EP400: variants seen among roughly 807,000 people sequenced by gnomAD.
EP400 encodes E1A-binding protein p400.
EP400 carries 105 observed loss-of-function variants against 354.1 expected under a neutral mutation model. The observed-to-expected ratio is 0.30, with a 90% CI of 0.25 to 0.35. The LOEUF is 0.35. EP400 is among the 10% of genes least tolerant of loss of function. The probability of loss-of-function intolerance (pLI) is 1.00; values close to 1 mark genes in which losing one functional copy is unlikely to be tolerated. For synonymous variants in EP400, 1,646 were observed against 1,716.9 expected (o/e 0.96, Z 1.02); for missense variants, 3,280 against 4,121.0 (o/e 0.80, Z 5.59).
chr12:131,999,439 G>T (rs1394365581), intron 12 of EP400, among the ~76,000 whole-genome samples: 1 of 152,044 alleles, frequency 6.6e-6, no homozygotes, highest in Non-Finnish European at 1.5e-5. Flanking sequence ...GGTGGGTATT[G>T]CATGCTTTGT....
rs1251436577 is a variant in EP400 at position 132,075,447 on chromosome 12, C to CT, written c.9022-1066dup. On this transcript the variant is annotated intron_variant, in intron 51 of 52. Transcript: ENST00000389561. This position sits in a 1 kb window ranked among gnomAD's most constrained non-coding sequence, Gnocchi z 4.5. The stretch of plus-strand genomic sequence containing the variant: ...GTACATTTAAGATTTCTTGCTAGTG[C>CT]TTTATTTAAGACGTCTCAGGATTTT... Among the ~76,000 whole-genome samples, 9 of 152,140 alleles carry CT rather than the reference C, an allele frequency of 5.9e-5. No homozygotes were observed. The highest frequency in any genetic ancestry group is 1.3e-4 in the Non-Finnish European group (9 of 68,034).
chr12:132,071,641 C>T (rs1896070766), intron 51 of EP400, among the ~76,000 whole-genome samples: 1 of 152,098 alleles, frequency 6.6e-6, no homozygotes. Flanking sequence ...TTTTGCCATC[C>T]GTCCCCCAGG....
At chr12:132,056,423 ACG>A (rs972553079) in intron 45 of EP400, among the ~76,000 whole-genome samples, 1 of 146,204 alleles carries the variant, frequency 6.8e-6, no homozygotes, top group African/African-American at 2.7e-5. Flanking sequence ...AACACAACAC[ACG>A]CACACACACA....
chr12:131,995,591 C>G (rs113251787), intron 12 of EP400, among the ~76,000 whole-genome samples: 1 of 138,050 alleles, frequency 7.2e-6, no homozygotes, highest in African/African-American at 2.8e-5. Flanking sequence ...ACCGTTCATC[C>G]TGAGTGTGTG....
At chr12:131,982,626 G>C in intron 5 of EP400, 148 bp downstream of exon 5, 3 of 997,936 alleles carry the variant, frequency 3.0e-6, no homozygotes, top group Non-Finnish European at 4.3e-6. Flanking sequence ...ACTCAATTCA[G>C]TACTTGCAAT....
rs768203005 is a variant in EP400, at chr12:132,064,902, T to C, written c.8553+16T>C. 1.1e-4 allele frequency: 181 copies of C among 1,588,150 alleles called. No individual in the cohort carries two copies. The highest frequency in any genetic ancestry group is 2.0e-4 in the Middle Eastern group (1 of 5,006). On this transcript the variant is annotated intron_variant, in intron 48 of 52. Transcript: ENST00000389561. ...GGCCCGGCTCGTAAGTGTCAGTTTC[T>C]GTTTGTTTTCCAAAAGCAGCATCTT...
chr12:132,046,394 A>T (rs1360368119), intron 39 of EP400, among the ~76,000 whole-genome samples: 10 of 152,192 alleles, frequency 6.6e-5, no homozygotes, highest in African/African-American at 9.7e-5. Context: ...GAATGAAAAG[A>T]TAAGTTGATA....
At chr12:131,977,456 C>T (rs568664126) in intron 2 of EP400, among the ~76,000 whole-genome samples, 12 of 151,942 alleles carry the variant, frequency 7.9e-5, no homozygotes, top group Admixed American at 2.0e-4. Flanking sequence ...TATGTTTGAC[C>T]GGATAGGAAG....
In EP400 at chr12:132,044,683, G is replaced by A. The variant is rs768035371; in HGVS notation, c.6598G>A (p.Glu2200Lys). 1 of 1,614,200 alleles carries A rather than the reference G, an allele frequency of 6.2e-7. No homozygotes were observed. The highest frequency in any genetic ancestry group is 8.5e-7 in the Non-Finnish European group (1 of 1,180,046). The part of the protein sequence containing the change: ...EDAYSMEYVY[E>K]DVDGQTEVMP... ...GTGTTCCCTACAGGAGTATGTCTAC[G>A]AAGATGTCGATGGGCAGACAGAAGT... is the stretch of plus-strand genomic sequence containing the variant. The change falls in exon 36 of 53, where the codon GAA (glutamate) becomes AAA (lysine). Residue 2200 changes from glutamate to lysine, a missense_variant. By Grantham distance (56) the Glu-to-Lys change is moderately conservative. Around this residue, in one of 20 missense-constraint regions of EP400, gnomAD observed 231 missense variants for 257.9 expected, o/e 0.90. Transcript: ENST00000389561.
At chr12:132,009,916 C>T (rs550066662) in intron 15 of EP400, among the ~76,000 whole-genome samples, 1 of 140,248 alleles carries the variant, frequency 7.1e-6, no homozygotes, top group Non-Finnish European at 1.5e-5. Context: ...CTCAAAAGAT[C>T]CTCCTGCCTT....
chr12:131,973,688 C>T (rs1892374524), intron 2 of EP400, among the ~76,000 whole-genome samples: 1 of 152,108 alleles, frequency 6.6e-6, no homozygotes, highest in Non-Finnish European at 1.5e-5. Context: ...TTATTTGCAG[C>T]CAATTGTAGG....
rs780258838 is a variant in EP400, at chr12:132,069,550, C to T, written c.8930C>T (p.Ala2977Val). The change falls in exon 51 of 53, where the codon GCG becomes GTG. Residue 2977 changes from alanine (A) to valine (V), a missense_variant. This residue lies in a region of EP400 where 279 missense variants were observed against 386.7 expected (regional missense o/e 0.72). Transcript: ENST00000389561. Reference protein sequence around the residue: ...PGAQQKVAYAAQPALKTQFLT... With the variant: ...PGAQQKVAYAVQPALKTQFLT... ...GCGCAGCAGAAGGTTGCCTACGCCGCGCAGCCGGCCCTTAAGACCCAGTTT... is the reference window on the plus strand; with the variant it reads ...GCGCAGCAGAAGGTTGCCTACGCCGTGCAGCCGGCCCTTAAGACCCAGTTT... 6 of 1,614,236 alleles carry T rather than the reference C, an allele frequency of 3.7e-6. No individual in the cohort carries two copies. The highest frequency in any genetic ancestry group is 3.3e-5 in the South Asian group (3 of 91,090).
chr12:131,980,663 A>G (rs183595761), intron 3 of EP400, among the ~76,000 whole-genome samples: 548 of 152,296 alleles, frequency 3.6e-3, no homozygotes, highest in Non-Finnish European at 5.9e-3. Context: ...CTCATGCCTC[A>G]GCCTCCTGAG....
At chr12:131,963,433 C>T in intron 2 of EP400, 1 of 836,222 alleles carries the variant, frequency 1.2e-6, no homozygotes, top group Non-Finnish European at 1.9e-6. Flanking sequence ...CATTTTTAAA[C>T]CCCAAATGTC....
chr12:132,069,329 G>A, intron 50 of EP400, 166 bp from the exon 51 acceptor site: 2 of 937,822 alleles, frequency 2.1e-6, no homozygotes, highest in South Asian at 1.9e-5. Context: ...GGAGGCAGCG[G>A]CAGGGATGGG....
At chr12:131,956,707 C>T (rs1891713233) in intron 1 of EP400, among the ~76,000 whole-genome samples, 1 of 152,042 alleles carries the variant, frequency 6.6e-6, no homozygotes, top group African/African-American at 2.4e-5. Flanking sequence ...TTCCCTTTAG[C>T]AGGATTAGTG....
In EP400 at chr12:132,027,560, C is replaced by G; in HGVS notation, c.5109+29C>G. 2.6e-6 allele frequency: 4 copies of G among 1,566,434 alleles called. No individual in the cohort carries two copies. The highest frequency in any genetic ancestry group is 1.4e-5 in the African/African-American group (1 of 73,652). On this transcript the variant is annotated intron_variant, in intron 26 of 52. Transcript: ENST00000389561. The surrounding 1 kb of genome is among the most constrained non-coding windows in gnomAD (Gnocchi z 4.9). ...AGCACCTGAGCTTGAGACCCCGGTGCACGTGGACAGGTAGCTTTCCAAGAG... is the reference window on the plus strand; with the variant it reads ...AGCACCTGAGCTTGAGACCCCGGTGGACGTGGACAGGTAGCTTTCCAAGAG...
At chr12:132,003,855 A>T (rs1893497492) in intron 12 of EP400, among the ~76,000 whole-genome samples, 1 of 152,232 alleles carries the variant, frequency 6.6e-6, no homozygotes, top group Non-Finnish European at 1.5e-5. Flanking sequence ...TGAATTCAAA[A>T]AGTGTTTTGC....
chr12:131,981,740 C>T, intron 4 of EP400, 144 bp downstream of exon 4: 1 of 685,406 alleles, frequency 1.5e-6, no homozygotes, highest in East Asian at 2.7e-5. Context: ...TTCTCTGAGT[C>T]CCAGTCGATA....
Sources: gnomAD v4.1 joint callset for allele counts (sites outside exome capture counted in the v4.1 genomes callset) on GRCh38, gnomAD v4.1.1 for gene constraint, gnomAD v4.1.1 regional missense constraint, Gnocchi (gnomAD v3.1) non-coding constraint, MANE v1.5 for transcripts, NCBI Gene and HGNC (gene_info 2026-07-23, HGNC 2026-07-21) for gene names.